UTS2B: variants seen among roughly 807,000 people sequenced by gnomAD.
UTS2B encodes the protein urotensin 2B.
A neutral mutation model predicts 19.2 loss-of-function variants in UTS2B; 21 were observed. The observed-to-expected ratio is 1.09, with a 90% CI of 0.78 to 1.58. UTS2B has a LOEUF of 1.58. Among genes scored for constraint, UTS2B ranks in the 40% most tolerant of loss-of-function variants. The pLI, the probability that UTS2B is intolerant of heterozygous loss-of-function variation, is 0.00. For synonymous variants in UTS2B, 57 were observed against 50.2 expected (o/e 1.14, Z -0.58); for missense variants, 138 against 130.3 (o/e 1.06, Z -0.29).
intron 8 of UTS2B, among the ~76,000 whole-genome samples, chr3:191,272,585 G>T (rs1265460194): frequency 6.6e-6 from 1 of 152,190 alleles, no homozygotes; most frequent in East Asian, 1.9e-4. Context: ...GCTTGGCTGG[G>T]CATGGTGGCT....
chr3:191,316,525 TC>T (rs1379223815), intron 2 of UTS2B, 86 bp from the exon 3 acceptor site: 4 of 151,674 alleles, frequency 2.6e-5, no homozygotes, highest in Admixed American at 2.6e-4. Context: ...CTGCTTTTAT[TC>T]CCTTATCTGA....
chr3:191,288,923 A>AACAG (rs112418159), intron 4 of UTS2B, among the ~76,000 whole-genome samples: 78,964 of 151,632 alleles, frequency 0.52, 22,080 homozygotes, highest in Middle Eastern at 0.65. Context: ...CAAAAGCAAA[A>AACAG]ACAAACGAGA....
At chr3:191,345,449 C>T in the UTS2B span, among the ~76,000 whole-genome samples, 1 of 152,136 alleles carries the variant, frequency 6.6e-6, no homozygotes. Flanking sequence ...CCTGCTTTTT[C>T]ACTCTTCCTC....
rs1245083187 is a variant in UTS2B at position 191,276,795 on chromosome 3, T to C, written c.240+12A>G. The C allele has an allele frequency of 1.9e-6, 3 of 1,609,466 alleles. No homozygotes were observed. The highest frequency in any genetic ancestry group is 2.5e-6 in the Non-Finnish European group (3 of 1,177,634). On this transcript the variant is annotated intron_variant, in intron 7 of 8. Transcript: ENST00000340524. ...TATTAAAACTGCTCATTTAAGTATTTCACATTCTCACCTGGTTAAGTTCTT... is the reference window on the plus strand; with the variant it reads ...TATTAAAACTGCTCATTTAAGTATTCCACATTCTCACCTGGTTAAGTTCTT...
chr3:191,330,930 G>GT (rs1408242683), upstream of UTS2B, among the ~76,000 whole-genome samples: 1 of 152,140 alleles, frequency 6.6e-6, no homozygotes, highest in Non-Finnish European at 1.5e-5. Context: ...AAGCTTAGGC[G>GT]TGAGATTTTA....
intron 8 of UTS2B, among the ~76,000 whole-genome samples, chr3:191,271,359 G>T (rs917513617): frequency 1.3e-5 from 2 of 151,982 alleles, no homozygotes; most frequent in Non-Finnish European, 2.9e-5. Flanking sequence ...ATTAACCCTA[G>T]TTTTAGTGAG....
chr3:191,323,746 G>C (rs1325881708), intron 2 of UTS2B, among the ~76,000 whole-genome samples: 1 of 152,130 alleles, frequency 6.6e-6, no homozygotes, highest in Non-Finnish European at 1.5e-5. Flanking sequence ...GAAGAAAATG[G>C]GTATAGGGTC....
intron 3 of UTS2B, among the ~76,000 whole-genome samples, chr3:191,315,589 C>A (rs914526963): frequency 6.6e-6 from 1 of 152,168 alleles, no homozygotes; most frequent in African/African-American, 2.4e-5. Flanking sequence ...TGATGGAAGT[C>A]TTCTGTGTTG....
upstream of UTS2B, among the ~76,000 whole-genome samples, chr3:191,333,155 C>A (rs1718044696): frequency 6.6e-6 from 1 of 152,050 alleles, no homozygotes; most frequent in South Asian, 2.1e-4. Flanking sequence ...AATCAGTTTA[C>A]CTAGGAGTGA....
At chr3:191,286,796 A>C (rs1419251899) in intron 4 of UTS2B, among the ~76,000 whole-genome samples, 1 of 151,614 alleles carries the variant, frequency 6.6e-6, no homozygotes, top group Non-Finnish European at 1.5e-5. Flanking sequence ...TAGAGACTAG[A>C]AGAACAATAG....
At chr3:191,329,347 C>T in intron 1 of UTS2B, 1 of 300,850 alleles carries the variant, frequency 3.3e-6, no homozygotes, top group Non-Finnish European at 6.0e-6. Flanking sequence ...GCCGGCCCGC[C>T]CGCCTTTCTG....
intron 4 of UTS2B, among the ~76,000 whole-genome samples, chr3:191,297,751 A>G (rs1007485924): frequency 6.6e-6 from 1 of 152,236 alleles, no homozygotes; most frequent in Admixed American, 6.5e-5. Flanking sequence ...CACCTGGCAC[A>G]TAGTGTTAGT....
At chr3:191,309,307 G>A (rs182508204) in intron 3 of UTS2B, among the ~76,000 whole-genome samples, 5 of 151,554 alleles carry the variant, frequency 3.3e-5, no homozygotes, top group East Asian at 3.9e-4. Flanking sequence ...GACTACAGGC[G>A]CCTACCACCA....
intron 5 of UTS2B, among the ~76,000 whole-genome samples, chr3:191,281,824 T>TA (rs926948226): frequency 1.3e-4 from 19 of 150,310 alleles, no homozygotes; most frequent in East Asian, 7.8e-4. Context: ...CCCCAATATT[T>TA]AAAAAAAAAT....
the UTS2B span, among the ~76,000 whole-genome samples, chr3:191,340,289 TTTGC>T: frequency 1.3e-5 from 2 of 152,238 alleles, no homozygotes; most frequent in African/African-American, 4.8e-5. Context: ...TATACTATAA[TTTGC>T]TTGCGCCTTA....
chr3:191,317,567 T>TTTTGTTGTTG (rs1553834246), intron 2 of UTS2B, among the ~76,000 whole-genome samples: 1 of 151,318 alleles, frequency 6.6e-6, no homozygotes, highest in African/African-American at 2.4e-5. Context: ...TAGGATAGTC[T>TTTTGTTGTTG]TTGTTGTTGT....
chr3:191,297,030 C>A (rs1465160321), intron 4 of UTS2B, among the ~76,000 whole-genome samples: 1 of 152,136 alleles, frequency 6.6e-6, no homozygotes, highest in East Asian at 1.9e-4. Context: ...GAAACAATGT[C>A]AACATCTGTG....
intron 5 of UTS2B, among the ~76,000 whole-genome samples, chr3:191,279,848 C>G (rs1384654778): frequency 6.6e-6 from 1 of 151,726 alleles, no homozygotes; most frequent in Admixed American, 6.6e-5. Flanking sequence ...TAAAAAAAAG[C>G]AATAGAAAAT....
In UTS2B at chr3:191,278,116, G is replaced by A; in HGVS notation, c.158C>T (p.Ala53Val). 1 of 1,569,122 alleles carries A rather than the reference G, an allele frequency of 6.4e-7. No homozygotes were observed. The highest frequency in any genetic ancestry group is 8.6e-7 in the Non-Finnish European group (1 of 1,161,172). The stretch of plus-strand genomic sequence containing the variant: ...GAAATCAAAATTTTTATTCAGTAGA[G>A]CCAGCAATAGTTCCTCACGATTTGT... ...KYTNREELLL[A>V]LLNKNFDFQR... Residue 53 changes from alanine (A) to valine (V), a missense_variant, in exon 6 of 9, where the codon GCT becomes GTT. Coordinates refer to ENST00000340524, the MANE Select transcript of UTS2B (RefSeq NM_198152.5).
Sources: allele counts gnomAD v4.1 joint callset (sites outside exome capture counted in the v4.1 genomes callset), GRCh38; gene constraint gnomAD v4.1.1; transcripts MANE v1.5; gene names NCBI Gene and HGNC (gene_info 2026-07-23, HGNC 2026-07-21).